The following MRPL13 variants were observed in gnomAD, a reference collection of about 807,000 sequenced individuals.
The protein encoded by MRPL13 is large ribosomal subunit protein uL13m.
MRPL13 carries 33 observed loss-of-function variants against 29.0 expected under a neutral mutation model. The ratio of observed to expected loss-of-function variants is 1.14; its 90% CI spans 0.86 to 1.52. MRPL13 has a LOEUF of 1.52. Ranked by LOEUF, MRPL13 falls within the 40% of genes most tolerant of loss-of-function variation. MRPL13 has a pLI of 0.00. For missense variants in MRPL13, 227 were observed against 216.7 expected, an observed-to-expected ratio of 1.05 and a Z score of -0.30; for synonymous variants, 77 against 68.4, an observed-to-expected ratio of 1.13 and a Z score of -0.62.
chr8:120,401,697 G>A (rs547152867), intron 6 of MRPL13, among the ~76,000 whole-genome samples: 1 of 151,804 alleles, frequency 6.6e-6, no homozygotes, highest in South Asian at 2.1e-4. Flanking sequence ...CAAATAGGGA[G>A]AGAAGTCAAA....
intron 2 of MRPL13, among the ~76,000 whole-genome samples, chr8:120,436,749 G>A (rs1447862810): frequency 6.6e-6 from 1 of 152,156 alleles, no homozygotes; most frequent in Non-Finnish European, 1.5e-5. Flanking sequence ...AACTAGGACA[G>A]TACTGCTTTT....
At chr8:120,402,904 A>G (rs1812616808) in intron 6 of MRPL13, among the ~76,000 whole-genome samples, 1 of 152,190 alleles carries the variant, frequency 6.6e-6, no homozygotes, top group South Asian at 2.1e-4. Flanking sequence ...AAAAAGCTCA[A>G]CATCACTGAT....
At chr8:120,415,135 T>A (rs1268990616) in intron 5 of MRPL13, 1 of 152,170 alleles carries the variant, frequency 6.6e-6, no homozygotes, top group Admixed American at 6.5e-5. Flanking sequence ...ACATTTATAT[T>A]GTACTCATGA....
intron 1 of MRPL13, among the ~76,000 whole-genome samples, chr8:120,444,312 C>T (rs1813171504): frequency 6.6e-6 from 1 of 152,196 alleles, no homozygotes. Flanking sequence ...AGTTGAGAGT[C>T]ATCTTAGACC....
At chr8:120,421,237 A>G (rs2130469265) in intron 4 of MRPL13, among the ~76,000 whole-genome samples, 1 of 152,004 alleles carries the variant, frequency 6.6e-6, no homozygotes, top group East Asian at 1.9e-4. Flanking sequence ...AAGAAAATAT[A>G]AGGACATAGA....
intron 2 of MRPL13, among the ~76,000 whole-genome samples, chr8:120,437,919 G>GCT (rs1048704288): frequency 1.3e-5 from 2 of 152,138 alleles, no homozygotes; most frequent in African/African-American, 4.8e-5. Flanking sequence ...CATAATATTT[G>GCT]CTCAATAAAT....
intron 1 of MRPL13, among the ~76,000 whole-genome samples, chr8:120,443,668 G>A (rs190802169): frequency 2.2e-4 from 33 of 149,580 alleles, no homozygotes; most frequent in East Asian, 2.0e-3. Flanking sequence ...GGGGCAATGA[G>A]AAGCTTGTAA....
At chr8:120,406,965 T>C (rs1310449062) in intron 6 of MRPL13, among the ~76,000 whole-genome samples, 9 of 152,180 alleles carry the variant, frequency 5.9e-5, no homozygotes, top group Admixed American at 3.3e-4. Context: ...CTCATCTGAG[T>C]TGTAGAAAAT....
chr8:120,441,488 ACAGGGAAACAAGTGAATC>A (rs941097855), intron 2 of MRPL13, among the ~76,000 whole-genome samples: 4 of 152,204 alleles, frequency 2.6e-5, no homozygotes, highest in East Asian at 1.9e-4. Flanking sequence ...GGGAGAAGAA[ACAGGGAAACAAGTGAATC>A]CAGGGAAACA....
At chr8:120,430,321 G>A (rs1407472250) in intron 3 of MRPL13, among the ~76,000 whole-genome samples, 2 of 152,124 alleles carry the variant, frequency 1.3e-5, no homozygotes, top group African/African-American at 4.8e-5. Context: ...TAGATATGGA[G>A]GGCTGACTGT....
chr8:120,401,955 C>T (rs1586916863), intron 6 of MRPL13, among the ~76,000 whole-genome samples: 1 of 152,082 alleles, frequency 6.6e-6, no homozygotes, highest in Non-Finnish European at 1.5e-5. Flanking sequence ...AAATTAAGGA[C>T]CTCTTCAAGG....
intron 5 of MRPL13, chr8:120,414,692 G>C (rs1018820586): frequency 6.6e-6 from 1 of 152,218 alleles, no homozygotes; most frequent in African/African-American, 2.4e-5. Context: ...TAGCTAGACA[G>C]TGTCGTTACC....
chr8:120,411,373 T>C (rs1812738234), intron 6 of MRPL13, among the ~76,000 whole-genome samples: 1 of 152,012 alleles, frequency 6.6e-6, no homozygotes, highest in Non-Finnish European at 1.5e-5. Flanking sequence ...TGGCTGAGAG[T>C]TGTTTTCATC....
intron 6 of MRPL13, among the ~76,000 whole-genome samples, chr8:120,408,767 A>G (rs535036005): frequency 6.6e-6 from 1 of 152,336 alleles, no homozygotes; most frequent in East Asian, 1.9e-4. Context: ...AGGTAAAAAT[A>G]ATCTTTTTCT....
At chr8:120,414,390 T>A in intron 5 of MRPL13, 2 of 192,494 alleles carry the variant, frequency 1.0e-5, no homozygotes, top group Non-Finnish European at 2.1e-5. Flanking sequence ...CTCATTCTCA[T>A]GCTTTCTCAT....
chr8:120,417,576 TG>T lies in MRPL13; in HGVS notation c.393+2275del, dbSNP rs759251885. Among the ~76,000 whole-genome samples the T allele has an allele frequency of 3.0e-4, 45 of 152,274 alleles. 2 individuals carry two copies. The highest frequency in any genetic ancestry group is 1.5e-5 in the Non-Finnish European group (1 of 68,000). On this transcript the variant is annotated intron_variant, in intron 5 of 6. Coordinates refer to ENST00000306185, the MANE Select transcript of MRPL13 (RefSeq NM_014078.6). Reference sequence around the variant, plus strand: ...TGGTCACTGTAGCCGTATAGATTTTTGTTTTCTTATTCAGTGTAATCCCTTA... The same window carrying T: ...TGGTCACTGTAGCCGTATAGATTTTTTTTTCTTATTCAGTGTAATCCCTTA...
intron 5 of MRPL13, among the ~76,000 whole-genome samples, chr8:120,418,166 C>T (rs555368934): frequency 5.3e-5 from 8 of 151,590 alleles, no homozygotes; most frequent in African/African-American, 1.7e-4. Flanking sequence ...TTCTTTTTTA[C>T]CTTGTTTGTT....
chr8:120,410,968 G>A (rs537467456), intron 6 of MRPL13, among the ~76,000 whole-genome samples: 1 of 151,924 alleles, frequency 6.6e-6, no homozygotes, highest in Admixed American at 6.6e-5. Flanking sequence ...ATTAGAGATG[G>A]GGTTTCACCA....
intron 2 of MRPL13, among the ~76,000 whole-genome samples, chr8:120,433,022 A>T (rs1813014457): frequency 6.6e-6 from 1 of 152,080 alleles, no homozygotes; most frequent in South Asian, 2.1e-4. Flanking sequence ...CCTAAATTTG[A>T]GTGGCAGAAT....
Sources: gnomAD v4.1 joint callset for allele counts (sites outside exome capture counted in the v4.1 genomes callset) on GRCh38, gnomAD v4.1.1 for gene constraint, MANE v1.5 for transcripts, NCBI Gene and HGNC (gene_info 2026-07-23, HGNC 2026-07-21) for gene names.